The following IQSEC1 variants were observed in gnomAD, a reference collection of about 807,000 sequenced individuals.
IQSEC1 encodes the protein IQ motif and Sec7 domain ArfGEF 1, also known as IQ motif and SEC7 domain-containing protein 1.
Under a neutral mutation model 91.0 loss-of-function variants are expected in IQSEC1, and 31 were observed. The ratio of observed to expected loss-of-function variants is 0.34; its 90% CI spans 0.26 to 0.46. The LOEUF is 0.46. Among genes scored for constraint, IQSEC1 ranks in the 20% least tolerant of loss-of-function variants. IQSEC1 has a pLI of 1.00. For missense variants in IQSEC1, 1,388 were observed against 1,575.6 expected, an observed-to-expected ratio of 0.88 and a Z score of 2.02; for synonymous variants, 699 against 662.6, an observed-to-expected ratio of 1.05 and a Z score of -0.84.
At chr3:13,071,159 T>G (rs1244846561) in intron 1 of IQSEC1, among the ~76,000 whole-genome samples, 2 of 120,176 alleles carry the variant, frequency 1.7e-5, no homozygotes, top group Admixed American at 8.1e-5. Flanking sequence ...TTTTGTTTTT[T>G]TTTTTTTGTT....
chr3:13,057,069 G>A (rs899026713), intron 1 of IQSEC1, among the ~76,000 whole-genome samples: 3 of 152,024 alleles, frequency 2.0e-5, no homozygotes, highest in African/African-American at 4.8e-5. Context: ...AGAGACGGGC[G>A]GTATCTATGT....
chr3:13,015,683 A>T, intron 1 of IQSEC1: 1 of 985,262 alleles, frequency 1.0e-6, no homozygotes, highest in Non-Finnish European at 1.2e-6. Flanking sequence ...GCAGGTCCTG[A>T]CGTCTGACTT....
At position 12,924,462 on chromosome 3, in the gene IQSEC1, G is replaced by T; in HGVS notation, c.1730+119C>A. The T allele has an allele frequency of 9.8e-7, 1 of 1,019,688 alleles. No individual in the cohort carries two copies. The highest frequency in any genetic ancestry group is 1.4e-6 in the Non-Finnish European group (1 of 715,862). 63.2% of individuals were successfully genotyped at this position (1,019,688 alleles called of 1,614,324 possible). A position where few individuals can be genotyped will look rare whatever the true frequency, so the allele number is the denominator to read the frequency against. On this transcript the variant is annotated intron_variant, in intron 4 of 13. Coordinates refer to ENST00000613206, the MANE Select transcript of IQSEC1 (RefSeq NM_001134382.3). This position sits in a 1 kb window ranked among gnomAD's most constrained non-coding sequence, Gnocchi z 6.3. ...AGGACTTAGGAAGAGAGAAAGGGGG[G>T]CCCACCACATGTCCCAGCAAGTAGG...
chr3:13,207,411 TG>T lies in IQSEC1; in HGVS notation c.273-43279del, dbSNP rs544813455. On this transcript the variant is annotated intron_variant, in intron 1 of 15. Coordinates refer to the IQSEC1 transcript ENST00000648114. The surrounding 1 kb of genome is among the most constrained non-coding windows in gnomAD (Gnocchi z 4.8). ...AGCCCCGTCTTCTCTGCCAGGTCCC[TG>T]GGACGGCTTCCCTCTGGCCACCCCC... 1.1e-4 allele frequency among the ~76,000 whole-genome samples: 16 copies of T among 151,182 alleles called. No individual in the cohort carries two copies. Among genetic ancestry groups the T allele is most frequent in the African/African-American group, 3.9e-4 (16 of 41,364 alleles).
At chr3:12,931,315 G>A (rs984113881) in intron 3 of IQSEC1, among the ~76,000 whole-genome samples, 8 of 152,166 alleles carry the variant, frequency 5.3e-5, no homozygotes, top group African/African-American at 1.9e-4. Flanking sequence ...GCTCCTAAGA[G>A]AGCCCATCCT....
At chr3:12,944,095 C>T (rs1382455203) in intron 1 of IQSEC1, among the ~76,000 whole-genome samples, 7 of 152,298 alleles carry the variant, frequency 4.6e-5, no homozygotes, top group Non-Finnish European at 8.8e-5. Flanking sequence ...CCTTCAAGGT[C>T]CCAGTTTCCC....
chr3:13,162,739 T>C (rs957252947), intron 2 of IQSEC1, among the ~76,000 whole-genome samples: 1 of 152,158 alleles, frequency 6.6e-6, no homozygotes, highest in Non-Finnish European at 1.5e-5. Flanking sequence ...CAGAGCTTTC[T>C]CCATCGTGCA....
Position 13,073,191 on chromosome 3 carries a change from G to T in IQSEC1, c.-177C>A. 2 of 658,142 alleles carry T rather than the reference G, an allele frequency of 3.0e-6. No individual in the cohort carries two copies. Among genetic ancestry groups the T allele is most frequent in the East Asian group, 2.8e-5 (1 of 35,108 alleles). The allele number at this position is 658,142 out of a possible 1,614,324, so 40.8% of individuals were successfully genotyped here. On this transcript the variant is annotated 5_prime_UTR_variant, in exon 1 of 14. Transcript: ENST00000613206. The stretch of plus-strand genomic sequence containing the variant: ...CCAGGGAGGCTGGGGCGGGAGCGGG[G>T]GGCGGCGCCAGCAGCGGGCTGTGGA...
At chr3:13,050,517 T>A (rs959533780) in intron 1 of IQSEC1, among the ~76,000 whole-genome samples, 1 of 152,220 alleles carries the variant, frequency 6.6e-6, no homozygotes, top group East Asian at 1.9e-4. Flanking sequence ...ATATTTGAGA[T>A]ACATCATTAT....
intron 1 of IQSEC1, among the ~76,000 whole-genome samples, chr3:13,280,228 CAG>C (rs1226377885): frequency 6.6e-6 from 1 of 152,202 alleles, no homozygotes; most frequent in Admixed American, 6.5e-5. Context: ...TCTCTCTACA[CAG>C]AGTTGCTTAT....
rs75924599 is a variant in IQSEC1, at chr3:13,271,060, T to A, written c.272+11651A>T. Among the ~76,000 whole-genome samples the A allele has an allele frequency of 6.4e-3, 982 of 152,280 alleles. 11 individuals carry two copies. The highest frequency in any genetic ancestry group is 0.023 in the African/African-American group (939 of 41,548). On this transcript the variant is annotated intron_variant, in intron 1 of 15. Coordinates refer to the IQSEC1 transcript ENST00000648114. ...GACTGAGAAGGACATTTCATAATGA[T>A]AAAAGGGACAATCCATTAAGAAGAC...
chr3:13,251,349 G>A (rs970901081), intron 1 of IQSEC1, among the ~76,000 whole-genome samples: 2 of 152,158 alleles, frequency 1.3e-5, no homozygotes, highest in Non-Finnish European at 2.9e-5. Flanking sequence ...TCACTGAAAT[G>A]AGAACCCTGA....
chr3:13,027,996 C>A (rs1213471861), intron 1 of IQSEC1, among the ~76,000 whole-genome samples: 3 of 152,202 alleles, frequency 2.0e-5, no homozygotes, highest in African/African-American at 7.2e-5. Context: ...GTATCCTCCG[C>A]TCCTTCTTGT....
At chr3:13,160,331 A>G (rs1484354554) in intron 2 of IQSEC1, among the ~76,000 whole-genome samples, 1 of 152,006 alleles carries the variant, frequency 6.6e-6, no homozygotes, top group East Asian at 1.9e-4. Context: ...AATTTTTTAA[A>G]TTTATTTTTG....
intron 2 of IQSEC1, among the ~76,000 whole-genome samples, chr3:13,154,460 T>TATATATATATACACACAC (rs1707052906): frequency 5.0e-5 from 3 of 59,410 alleles, no homozygotes; most frequent in African/African-American, 2.2e-4. Flanking sequence ...TATATATATA[T>TATATATATATACACACAC]ATATATATAT....
intron 13 of IQSEC1, among the ~76,000 whole-genome samples, chr3:12,901,935 C>T (rs1694360503): frequency 6.6e-6 from 1 of 151,884 alleles, no homozygotes; most frequent in Non-Finnish European, 1.5e-5. Flanking sequence ...CCTGCTCCTG[C>T]TGAAAACAGG....
At chr3:13,047,351 A>G (rs1448822742) in intron 1 of IQSEC1, 2 of 314,482 alleles carry the variant, frequency 6.4e-6, no homozygotes, top group Non-Finnish European at 9.2e-6. Context: ...CCTTGGGGGA[A>G]TTTCAGGGCC....
intron 2 of IQSEC1, among the ~76,000 whole-genome samples, chr3:13,087,640 C>T (rs1221508268): frequency 6.6e-6 from 1 of 152,174 alleles, no homozygotes; most frequent in Non-Finnish European, 1.5e-5. Flanking sequence ...CTTTCACTAC[C>T]ACAAACGGAA....
intron 2 of IQSEC1, among the ~76,000 whole-genome samples, chr3:13,090,355 G>T (rs532010446): frequency 3.9e-4 from 60 of 152,254 alleles, no homozygotes; most frequent in African/African-American, 1.4e-3. Flanking sequence ...CTATACTCTA[G>T]TGCCTGGAAT....
Sources: gnomAD v4.1 joint callset for allele counts (sites outside exome capture counted in the v4.1 genomes callset) on GRCh38, gnomAD v4.1.1 for gene constraint, Gnocchi (gnomAD v3.1) non-coding constraint, MANE v1.5 for transcripts, NCBI Gene and HGNC (gene_info 2026-07-23, HGNC 2026-07-21) for gene names.